The following GLP2R variants were observed in gnomAD, a reference collection of about 807,000 sequenced individuals.
GLP2R encodes glucagon like peptide 2 receptor, also known as glucagon-like peptide 2 receptor.
In GLP2R, 59 loss-of-function variants were observed where a neutral mutation model predicts 68.2. The ratio of observed to expected loss-of-function variants is 0.87; its 90% CI spans 0.70 to 1.07. The LOEUF is 1.07. Ranked by LOEUF, GLP2R falls within the 50% of genes least tolerant of loss-of-function variation. The probability of loss-of-function intolerance (pLI) is 0.00; values close to 1 mark genes in which losing one functional copy is unlikely to be tolerated. For missense variants in GLP2R, 548 were observed against 677.4 expected (o/e 0.81, Z 2.12); for synonymous variants, 270 against 265.4 (o/e 1.02, Z -0.17).
At chr17:9,850,094 C>G (rs375595464) in intron 4 of GLP2R, among the ~76,000 whole-genome samples, 16 of 152,298 alleles carry the variant, frequency 1.1e-4, no homozygotes, top group African/African-American at 3.8e-4. Context: ...GTCCTCCCTT[C>G]AACTATGTAT....
At chr17:9,832,341 G>A (rs1325329828) in intron 1 of GLP2R, among the ~76,000 whole-genome samples, 1 of 152,150 alleles carries the variant, frequency 6.6e-6, no homozygotes, top group Non-Finnish European at 1.5e-5. Context: ...TTGGGAGGCT[G>A]AGGAGGGCGG....
chr17:9,874,494 TTAA>T lies in GLP2R; in HGVS notation c.1145+3675_1145+3677del, dbSNP rs111969784. ...TGAGCCAGAGTGAGACCCTTTTTCT[TTAA>T]TAATAATAATAATAAAAGAGGTACC... On this transcript the variant is annotated intron_variant, in intron 10 of 12. Transcript: ENST00000262441. Among the ~76,000 whole-genome samples, 395 of 151,966 alleles carry T rather than the reference TTAA, an allele frequency of 2.6e-3. 3 individuals are homozygous for T. Among genetic ancestry groups the T allele is most frequent in the African/African-American group, 9.2e-3 (380 of 41,422 alleles).
At chr17:9,857,401 A>G (rs773909315) in intron 5 of GLP2R, 22 bp from the exon 6 acceptor site, 1 of 1,613,378 alleles carries the variant, frequency 6.2e-7, no homozygotes, top group Non-Finnish European at 8.5e-7. Flanking sequence ...GAGGGAAGGC[A>G]TTTGGTTTTC....
At chr17:9,831,160 T>A (rs2066676189) in intron 1 of GLP2R, among the ~76,000 whole-genome samples, 2 of 152,180 alleles carry the variant, frequency 1.3e-5, no homozygotes, top group South Asian at 2.1e-4. Flanking sequence ...TGGGATAACC[T>A]TAAATCTACC....
chr17:9,889,182 T>C (rs747512933), intron 12 of GLP2R, among the ~76,000 whole-genome samples, 188 bp from the exon 13 acceptor site: 6 of 152,234 alleles, frequency 3.9e-5, no homozygotes, highest in Non-Finnish European at 7.3e-5. Flanking sequence ...CGTATTGTCC[T>C]GCTTAGTACT....
In GLP2R at chr17:9,878,700, A is replaced by G. The variant is rs567574641; in HGVS notation, c.1146-1678A>G. Among the ~76,000 whole-genome samples, 3 of 152,238 alleles carry G rather than the reference A, an allele frequency of 2.0e-5. No homozygotes were observed. The South Asian group carries it at 6.2e-4, about 32-fold the overall frequency. ...CCTGCACCCCTCTTCTTGGCTTTAG[A>G]TCCTTTGGGGGCACAAAGGTGAGGT... is the stretch of plus-strand genomic sequence containing the variant. On this transcript the variant is annotated intron_variant, in intron 10 of 12. Coordinates refer to ENST00000262441, the MANE Select transcript of GLP2R (RefSeq NM_004246.3).
At chr17:9,870,221 G>C (rs1478429212) in intron 9 of GLP2R, among the ~76,000 whole-genome samples, 1 of 152,116 alleles carries the variant, frequency 6.6e-6, no homozygotes, top group African/African-American at 2.4e-5. Flanking sequence ...ACTTCTCTGT[G>C]CCTGTTTTCT....
intron 11 of GLP2R, among the ~76,000 whole-genome samples, chr17:9,882,524 A>C (rs2152048943): frequency 6.6e-6 from 1 of 152,310 alleles, no homozygotes; most frequent in Non-Finnish European, 1.5e-5. Context: ...TTCTGGCTGA[A>C]TGTGAGTTTC....
chr17:9,853,137 T>C, intron 4 of GLP2R: 1 of 493,888 alleles, frequency 2.0e-6, no homozygotes. Flanking sequence ...GTCAACAATG[T>C]GCAATCATGC....
At chr17:9,872,394 T>C (rs941346757) in intron 10 of GLP2R, among the ~76,000 whole-genome samples, 2 of 152,126 alleles carry the variant, frequency 1.3e-5, no homozygotes, top group African/African-American at 4.8e-5. Flanking sequence ...CTGGCCAACA[T>C]GGCAAAACCC....
At chr17:9,843,535 G>A (rs1035221742) in intron 4 of GLP2R, among the ~76,000 whole-genome samples, 1 of 152,200 alleles carries the variant, frequency 6.6e-6, no homozygotes, top group Admixed American at 6.5e-5. Context: ...ACAGTAACTG[G>A]TCCGCAAGTC....
At chr17:9,837,656 T>G (rs1473243217) in intron 3 of GLP2R, among the ~76,000 whole-genome samples, 1 of 152,212 alleles carries the variant, frequency 6.6e-6, no homozygotes, top group Middle Eastern at 3.2e-3. Context: ...TAAACATTAC[T>G]TAGATACCCA....
intron 5 of GLP2R, 39 bp downstream of exon 5, chr17:9,854,640 T>A: frequency 8.8e-7 from 1 of 1,141,072 alleles, no homozygotes; most frequent in Non-Finnish European, 1.3e-6. Context: ...CGGGCAGGTA[T>A]AGTAGCCCTC....
In GLP2R at chr17:9,881,424, A is replaced by G. The variant is rs1013363758; in HGVS notation, c.1284+908A>G. On this transcript the variant is annotated intron_variant, in intron 11 of 12. Coordinates refer to ENST00000262441, the MANE Select transcript of GLP2R (RefSeq NM_004246.3). ...GAGACGGAGTCTCGCTCTGTCGCCCAGGCTGGAGTGCAGTGGCGGGATCTC... is the reference window on the plus strand; with the variant it reads ...GAGACGGAGTCTCGCTCTGTCGCCCGGGCTGGAGTGCAGTGGCGGGATCTC... 1.9e-4 allele frequency among the ~76,000 whole-genome samples: 21 copies of G among 108,420 alleles called. 3 individuals carry two copies. Among genetic ancestry groups the G allele is most frequent in the African/African-American group, 1.1e-3 (21 of 19,584 alleles). The allele number at this position is 108,420 out of a possible 152,430, so 71.1% of individuals were successfully genotyped here. A position where few individuals can be genotyped will look rare whatever the true frequency, so the allele number is the denominator to read the frequency against.
At chr17:9,862,753 C>T (rs1250720387) in intron 9 of GLP2R, among the ~76,000 whole-genome samples, 4 of 152,128 alleles carry the variant, frequency 2.6e-5, no homozygotes, top group Non-Finnish European at 5.9e-5. Flanking sequence ...CAGAGGGAGG[C>T]GGAAAGTATT....
In GLP2R at chr17:9,842,595, G is replaced by C. The variant is rs2066797908; in HGVS notation, c.483G>C (p.Glu161Asp). 1 of 1,613,808 alleles carries C rather than the reference G, an allele frequency of 6.2e-7. No individual in the cohort carries two copies. Among genetic ancestry groups the C allele is most frequent in the African/African-American group, 1.3e-5 (1 of 74,910 alleles). The part of the protein sequence containing the change: ...DIWQDDSECS[E>D]NHSFKQNVDR... Reference sequence around the variant, plus strand: ...GGCAGGATGACTCCGAATGCTCCGAGAACCACAGCTTCAAGCAAAACGTGA... The same window carrying C: ...GGCAGGATGACTCCGAATGCTCCGACAACCACAGCTTCAAGCAAAACGTGA... Residue 161 changes from glutamate (E) to aspartate (D), a missense_variant, in exon 4 of 13, where the codon GAG (glutamate) becomes GAC (aspartate). By Grantham distance (45) the Glu-to-Asp change is conservative. Transcript: ENST00000262441.
intron 9 of GLP2R, among the ~76,000 whole-genome samples, chr17:9,864,943 G>T (rs2067021374): frequency 6.6e-6 from 1 of 152,166 alleles, no homozygotes; most frequent in South Asian, 2.1e-4. Context: ...GTGCTTCCTA[G>T]TTGGGACAAG....
intron 3 of GLP2R, among the ~76,000 whole-genome samples, chr17:9,840,116 A>ACC (rs1716877695): frequency 6.6e-6 from 1 of 151,746 alleles, no homozygotes; most frequent in Non-Finnish European, 1.5e-5. Context: ...AGCTGGGATT[A>ACC]CAGGCACACA....
chr17:9,860,275 A>G (rs1425335543), intron 7 of GLP2R, among the ~76,000 whole-genome samples, 174 bp downstream of exon 7: 10 of 152,254 alleles, frequency 6.6e-5, no homozygotes, highest in African/African-American at 2.2e-4. Context: ...ATGCACACAT[A>G]TGCACAGGGG....
Sources: gnomAD v4.1 joint callset for allele counts (sites outside exome capture counted in the v4.1 genomes callset) on GRCh38, gnomAD v4.1.1 for gene constraint, MANE v1.5 for transcripts, NCBI Gene and HGNC (gene_info 2026-07-23, HGNC 2026-07-21) for gene names.